APBA2: variants seen among roughly 807,000 people sequenced by gnomAD.
APBA2 encodes amyloid beta precursor protein binding family A member 2.
In APBA2, 30 loss-of-function variants were observed where a neutral mutation model predicts 75.0. That is an observed-to-expected ratio of 0.40 (90% CI 0.30 to 0.54). The LOEUF (loss-of-function observed/expected upper bound fraction) is 0.54, where lower values mean the gene tolerates loss of function less well. APBA2 is among the 20% of genes least tolerant of loss of function. The probability of loss-of-function intolerance (pLI) is 0.49; values close to 1 mark genes in which losing one functional copy is unlikely to be tolerated. For synonymous variants in APBA2, 444 were observed against 409.6 expected, an observed-to-expected ratio of 1.08 and a Z score of -1.01; for missense variants, 801 against 1,016.1, an observed-to-expected ratio of 0.79 and a Z score of 2.88.
At chr15:28,995,406 C>T (rs549669596) in intron 2 of APBA2, among the ~76,000 whole-genome samples, 12 of 152,252 alleles carry the variant, frequency 7.9e-5, no homozygotes, top group Admixed American at 3.3e-4. Flanking sequence ...TCTGCAAACC[C>T]GTGGGGTCAA....
intron 2 of APBA2, among the ~76,000 whole-genome samples, chr15:28,972,617 A>T (rs2037124468): frequency 6.6e-6 from 1 of 152,242 alleles, no homozygotes. Context: ...GAAGGATTTT[A>T]TGCCCAGCCA....
At chr15:29,068,768 G>C (rs947337358) in intron 4 of APBA2, among the ~76,000 whole-genome samples, 1 of 152,196 alleles carries the variant, frequency 6.6e-6, no homozygotes, top group Admixed American at 6.5e-5. Context: ...GATGACCTCC[G>C]TAGAGCTTAG....
At chr15:28,902,707 C>G (rs1475186715) in intron 1 of APBA2, among the ~76,000 whole-genome samples, 1 of 152,146 alleles carries the variant, frequency 6.6e-6, no homozygotes, top group Non-Finnish European at 1.5e-5. Context: ...CTCAGTTTTT[C>G]TGTAAGTCTA....
intron 3 of APBA2, among the ~76,000 whole-genome samples, chr15:29,028,969 GTGATGATAGTTT>G (rs2040357809): frequency 2.0e-5 from 3 of 152,078 alleles, no homozygotes; most frequent in Non-Finnish European, 4.4e-5. Context: ...CCTGTTTGCT[GTGATGATAGTTT>G]CTTTTGCTGT....
At chr15:28,987,744 A>ATATATATAT (rs1256948800) in intron 2 of APBA2, among the ~76,000 whole-genome samples, 2 of 139,472 alleles carry the variant, frequency 1.4e-5, no homozygotes, top group African/African-American at 5.4e-5. Flanking sequence ...ATATATATAT[A>ATATATATAT]TATATATATT....
chr15:29,103,616 G>A (rs193098710), intron 10 of APBA2, among the ~76,000 whole-genome samples: 2 of 152,320 alleles, frequency 1.3e-5, no homozygotes, highest in Admixed American at 6.5e-5. Flanking sequence ...CCGCGGAGCC[G>A]GCTCCCCGGG....
At chr15:29,099,096 G>A (rs981738228) in intron 9 of APBA2, among the ~76,000 whole-genome samples, 8 of 152,124 alleles carry the variant, frequency 5.3e-5, no homozygotes, top group East Asian at 1.9e-4. Flanking sequence ...GGCACTTGGT[G>A]AAAACTCAGG....
chr15:28,942,324 A>T (rs1039496080), intron 2 of APBA2, among the ~76,000 whole-genome samples: 6 of 151,872 alleles, frequency 4.0e-5, no homozygotes, highest in South Asian at 2.1e-4. Context: ...CTTGACTCAG[A>T]CCCACTCGTA....
At chr15:28,988,448 G>A (rs967257134) in intron 2 of APBA2, among the ~76,000 whole-genome samples, 1 of 151,320 alleles carries the variant, frequency 6.6e-6, no homozygotes, top group Non-Finnish European at 1.5e-5. Flanking sequence ...ATTTTTGGTA[G>A]AGACGAGGTT....
rs186241129 is a variant in APBA2 at position 29,090,201 on chromosome 15, T to C, written c.1070-2874T>C. Among the ~76,000 whole-genome samples, 563 of 152,182 alleles carry C rather than the reference T, an allele frequency of 3.7e-3. 5 individuals carry two copies. Among genetic ancestry groups the C allele is most frequent in the African/African-American group, 0.013 (553 of 41,544 alleles). On this transcript the variant is annotated intron_variant, in intron 6 of 14. Coordinates refer to ENST00000683413, the MANE Select transcript of APBA2 (RefSeq NM_001353788.2). ...TGGAAGGCCCCCAGGCAGAGGTGGGTGGTGGCTGGAGTTGCAGCAAGGCCC... is the reference window on the plus strand; with the variant it reads ...TGGAAGGCCCCCAGGCAGAGGTGGGCGGTGGCTGGAGTTGCAGCAAGGCCC...
chr15:29,102,284 G>A lies in APBA2; in HGVS notation c.1524+500G>A, dbSNP rs183100046. 1.9e-5 allele frequency: 4 copies of A among 209,706 alleles called. 1 individual carries two copies. The highest frequency in any genetic ancestry group is 1.4e-4 in the South Asian group (2 of 13,932). The allele number at this position is 209,706 out of a possible 1,614,324, so 13.0% of individuals were successfully genotyped here. On this transcript the variant is annotated intron_variant, in intron 10 of 14. Transcript: ENST00000683413. ...AAGCCCTTTGGCTCCCTCCTTGGCT[G>A]GAGAAGAGTGTTGTTTTTAGCCTGG...
chr15:28,989,677 A>G (rs2038116682), intron 2 of APBA2, among the ~76,000 whole-genome samples: 1 of 152,150 alleles, frequency 6.6e-6, no homozygotes, highest in African/African-American at 2.4e-5. Flanking sequence ...CACAGCAAAA[A>G]TAGAAGCCTC....
chr15:28,944,387 T>C (rs1473630326), intron 2 of APBA2, among the ~76,000 whole-genome samples: 1 of 152,170 alleles, frequency 6.6e-6, no homozygotes, highest in Non-Finnish European at 1.5e-5. Context: ...GTCCATCCGG[T>C]ACCCTCTGCC....
chr15:29,113,084 T>G (rs375781053), intron 13 of APBA2, among the ~76,000 whole-genome samples: 21 of 152,326 alleles, frequency 1.4e-4, no homozygotes, highest in African/African-American at 4.1e-4. Context: ...GAGCACATTC[T>G]GTTTCTCCGC....
At chr15:28,963,596 G>A (rs1873284) in intron 2 of APBA2, among the ~76,000 whole-genome samples, 2,435 of 152,296 alleles carry the variant, frequency 0.016, 72 homozygotes, top group African/African-American at 0.056. Flanking sequence ...CACTAAACAC[G>A]GGCTATGACC....
chr15:29,069,254 CA>C (rs751043632), intron 4 of APBA2, among the ~76,000 whole-genome samples: 31 of 152,316 alleles, frequency 2.0e-4, no homozygotes, highest in South Asian at 1.0e-3. Context: ...TTAATCCACT[CA>C]TCCACTGATG....
intron 2 of APBA2, among the ~76,000 whole-genome samples, chr15:28,946,718 C>T (rs1334046953): frequency 6.6e-6 from 1 of 152,148 alleles, no homozygotes; most frequent in Non-Finnish European, 1.5e-5. Flanking sequence ...AGCTGGGATA[C>T]AGGCACATGC....
At chr15:29,027,831 G>C (rs1010120535) in intron 3 of APBA2, among the ~76,000 whole-genome samples, 1 of 151,982 alleles carries the variant, frequency 6.6e-6, no homozygotes, top group Non-Finnish European at 1.5e-5. Context: ...TCGATCTCCT[G>C]ACCTCATGAT....
At chr15:29,064,023 GAGA>G (rs1472402426) in intron 4 of APBA2, among the ~76,000 whole-genome samples, 1 of 152,124 alleles carries the variant, frequency 6.6e-6, no homozygotes, top group Non-Finnish European at 1.5e-5. Flanking sequence ...TGCCCTGCTG[GAGA>G]AGTTCTCACA....
Sources: gnomAD v4.1 joint callset for allele counts (sites outside exome capture counted in the v4.1 genomes callset) on GRCh38, gnomAD v4.1.1 for gene constraint, MANE v1.5 for transcripts, NCBI Gene and HGNC (gene_info 2026-07-23, HGNC 2026-07-21) for gene names.